The following HIP1 variants were observed in gnomAD, a reference collection of about 807,000 sequenced individuals.
The protein encoded by HIP1 is huntingtin-interacting protein 1.
In HIP1, 65 loss-of-function variants were observed where a neutral mutation model predicts 147.6. The observed-to-expected ratio is 0.44, with a 90% CI of 0.36 to 0.54. HIP1 has a LOEUF of 0.54. Ranked by LOEUF, HIP1 falls within the 20% of genes least tolerant of loss-of-function variation. HIP1 has a pLI of 0.00. For synonymous variants in HIP1, 479 were observed against 504.0 expected, an observed-to-expected ratio of 0.95 and a Z score of 0.67; for missense variants, 1,061 against 1,299.6, an observed-to-expected ratio of 0.82 and a Z score of 2.82.
rs113685546 is a variant in HIP1 at position 75,536,409 on chromosome 7, G to A, written c.*1763C>T. ...TGATCAAACAGAAGTCTCACAACCC[G>A]TCATGTAGCAAAACCTAGCAATATT... On this transcript the variant is annotated 3_prime_UTR_variant, in exon 31 of 31. Transcript: ENST00000336926. 2.2e-5 allele frequency: 5 copies of A among 226,026 alleles called. No individual in the cohort carries two copies. The highest frequency in any genetic ancestry group is 1.1e-4 in the Admixed American group (2 of 17,530). 14.0% of individuals were successfully genotyped at this position (226,026 alleles called of 1,614,324 possible).
At chr7:75,554,302 C>T (rs1794908317) in intron 20 of HIP1, 82 bp from the exon 21 acceptor site, 4 of 1,319,318 alleles carry the variant, frequency 3.0e-6, no homozygotes, top group East Asian at 2.4e-5. Flanking sequence ...TTATGAGTTG[C>T]CTACATGCCT....
chr7:75,666,840 G>C (rs142421211), intron 1 of HIP1, among the ~76,000 whole-genome samples: 1 of 152,314 alleles, frequency 6.6e-6, no homozygotes, highest in African/African-American at 2.4e-5. Flanking sequence ...ACACCTACCA[G>C]AGCGTTTTGT....
At chr7:75,689,587 C>A (rs1363686771) in intron 1 of HIP1, among the ~76,000 whole-genome samples, 1 of 152,122 alleles carries the variant, frequency 6.6e-6, no homozygotes, top group African/African-American at 2.4e-5. Flanking sequence ...AATGTGTGTT[C>A]ATAGATATAC....
intron 23 of HIP1, 130 bp from the exon 24 acceptor site, chr7:75,547,943 C>CCACATTCT (rs1794633422): frequency 1.2e-6 from 1 of 805,118 alleles, no homozygotes; most frequent in African/African-American, 1.7e-5. Context: ...AAGTCCCTGC[C>CCACATTCT]CACATTCTTG....
intron 1 of HIP1, among the ~76,000 whole-genome samples, chr7:75,601,865 G>A (rs1432448871): frequency 6.6e-6 from 1 of 151,832 alleles, no homozygotes; most frequent in African/African-American, 2.4e-5. Flanking sequence ...TGTTGATGCT[G>A]GGGCTATACC....
chr7:75,727,206 G>T (rs1016878218), intron 1 of HIP1, among the ~76,000 whole-genome samples: 1 of 151,968 alleles, frequency 6.6e-6, no homozygotes, highest in Non-Finnish European at 1.5e-5. Flanking sequence ...GACCTCCCCA[G>T]GTCCCTGGCA....
intron 1 of HIP1, among the ~76,000 whole-genome samples, chr7:75,632,719 A>G (rs1276430126): frequency 6.6e-6 from 1 of 152,022 alleles, no homozygotes; most frequent in Non-Finnish European, 1.5e-5. Flanking sequence ...TTTACAAATT[A>G]CCAGGTCTCA....
At chr7:75,668,306 G>A (rs1799621202) in intron 1 of HIP1, among the ~76,000 whole-genome samples, 1 of 152,060 alleles carries the variant, frequency 6.6e-6, no homozygotes, top group African/African-American at 2.4e-5. Flanking sequence ...CTGCACTCAG[G>A]ACTTCCCAAC....
chr7:75,536,265 C>T lies in HIP1; in HGVS notation c.*1907G>A, dbSNP rs587666565. The T allele has an allele frequency of 5.8e-5, 12 of 206,216 alleles. No individual in the cohort carries two copies. Among genetic ancestry groups the T allele is most frequent in the South Asian group, 1.9e-4 (1 of 5,262 alleles). The allele number at this position is 206,216 out of a possible 1,614,324, so 12.8% of individuals were successfully genotyped here. A position where few individuals can be genotyped will look rare whatever the true frequency, so the allele number is the denominator to read the frequency against. On this transcript the variant is annotated 3_prime_UTR_variant, in exon 31 of 31. Coordinates refer to ENST00000336926, the MANE Select transcript of HIP1 (RefSeq NM_005338.7). ...TCCTTAGCCCAGTATGGAGGTCACA[C>T]GTCTGAGTATGGTCATCCGAGGTCC...
intron 29 of HIP1, among the ~76,000 whole-genome samples, chr7:75,540,076 G>A (rs918144770): frequency 2.2e-4 from 33 of 152,074 alleles, no homozygotes; most frequent in African/African-American, 8.0e-4. Context: ...TAAAGGAAAG[G>A]GTGATCTTGT....
In HIP1 at chr7:75,595,232, CT is replaced by C. The variant is rs1563230160; in HGVS notation, c.185-2719del. Among the ~76,000 whole-genome samples the C allele has an allele frequency of 2.0e-3, 220 of 110,884 alleles. 1 individual carries two copies. The highest frequency in any genetic ancestry group is 7.8e-3 in the African/African-American group (184 of 23,666). 72.7% of individuals were successfully genotyped at this position (110,884 alleles called of 152,430 possible). On this transcript the variant is annotated intron_variant, in intron 2 of 30. Transcript: ENST00000336926. ...TCTTTCTTTCTTTCTTTCTTTCTTT[CT>C]TTCTTTCTTTCTTTCTTTCTTCCTT... is the stretch of plus-strand genomic sequence containing the variant.
intron 1 of HIP1, among the ~76,000 whole-genome samples, chr7:75,694,855 CT>C (rs1217459602): frequency 3.9e-5 from 6 of 152,090 alleles, no homozygotes; most frequent in African/African-American, 1.4e-4. Flanking sequence ...CACTTTCCAA[CT>C]TTTGGCTTTC....
intron 7 of HIP1, among the ~76,000 whole-genome samples, chr7:75,577,827 C>G (rs1554497997): frequency 6.6e-6 from 1 of 152,116 alleles, no homozygotes; most frequent in Non-Finnish European, 1.5e-5. Flanking sequence ...TGGTGAAACC[C>G]TGTCTCTACT....
chr7:75,678,397 A>G (rs1354268793), intron 1 of HIP1, among the ~76,000 whole-genome samples: 2 of 135,212 alleles, frequency 1.5e-5, no homozygotes, highest in African/African-American at 5.7e-5. Context: ...AGGCTGGAGT[A>G]CGGTGGCACA....
intron 5 of HIP1, among the ~76,000 whole-genome samples, chr7:75,585,543 C>A (rs1465899741): frequency 6.6e-6 from 1 of 151,862 alleles, no homozygotes; most frequent in Non-Finnish European, 1.5e-5. Context: ...AGAGCCCGGT[C>A]CTCCCTCCAA....
intron 1 of HIP1, among the ~76,000 whole-genome samples, chr7:75,713,317 G>A (rs1234293886): frequency 6.6e-6 from 1 of 152,206 alleles, no homozygotes; most frequent in African/African-American, 2.4e-5. Flanking sequence ...CAATGACATA[G>A]TTCCCAGGGT....
intron 1 of HIP1, among the ~76,000 whole-genome samples, chr7:75,684,447 CAAAAAAAAAAAAAA>C (rs59055803): frequency 2.3e-5 from 1 of 43,832 alleles, no homozygotes; most frequent in East Asian, 6.1e-4. Flanking sequence ...GACTCCGTCT[CAAAAAAAAAAAAAA>C]AAAAAAAAAA....
At chr7:75,713,037 G>T (rs1801206687) in intron 1 of HIP1, among the ~76,000 whole-genome samples, 1 of 152,150 alleles carries the variant, frequency 6.6e-6, no homozygotes. Flanking sequence ...TTCCTCAGTA[G>T]CCCTTATGTG....
At chr7:75,581,174 G>A (rs1796027051) in intron 7 of HIP1, 63 bp downstream of exon 7, 1 of 1,247,338 alleles carries the variant, frequency 8.0e-7, no homozygotes, top group African/African-American at 1.5e-5. Context: ...TGCAGGGAGA[G>A]GAGGACTAGG....
Sources: gnomAD v4.1 joint callset for allele counts (sites outside exome capture counted in the v4.1 genomes callset) on GRCh38, gnomAD v4.1.1 for gene constraint, MANE v1.5 for transcripts, NCBI Gene and HGNC (gene_info 2026-07-23, HGNC 2026-07-21) for gene names.